The following ITGBL1 variants were observed in gnomAD, a reference collection of about 807,000 sequenced individuals.
The protein encoded by ITGBL1 is integrin beta-like protein 1.
A neutral mutation model predicts 68.5 loss-of-function variants in ITGBL1; 51 were observed. The observed-to-expected ratio is 0.74, with a 90% CI of 0.59 to 0.94. The LOEUF (loss-of-function observed/expected upper bound fraction) is 0.94. Ranked by LOEUF, ITGBL1 falls within the 40% of genes least tolerant of loss-of-function variation. The pLI is 0.00. For missense variants in ITGBL1, 649 were observed against 647.4 expected (o/e 1.00, Z -0.03); for synonymous variants, 209 against 227.3 (o/e 0.92, Z 0.72).
At chr13:101,654,819 C>G (rs2032867069) in intron 7 of ITGBL1, among the ~76,000 whole-genome samples, 1 of 152,010 alleles carries the variant, frequency 6.6e-6, no homozygotes, top group Non-Finnish European at 1.5e-5. Flanking sequence ...ATGGGAAAGG[C>G]TGGGGACAAA....
At chr13:101,592,102 C>A (rs993523703) in intron 6 of ITGBL1, among the ~76,000 whole-genome samples, 1 of 152,114 alleles carries the variant, frequency 6.6e-6, no homozygotes, top group African/African-American at 2.4e-5. Context: ...AGGATTTGAA[C>A]CCATTATTTT....
At chr13:101,604,534 A>G (rs1283130975) in intron 7 of ITGBL1, among the ~76,000 whole-genome samples, 1 of 151,582 alleles carries the variant, frequency 6.6e-6, no homozygotes, top group African/African-American at 2.4e-5. Flanking sequence ...AGATTTTTGA[A>G]AACGAAAACC....
At chr13:101,599,007 T>C (rs1414897523) in intron 7 of ITGBL1, among the ~76,000 whole-genome samples, 8 of 152,272 alleles carry the variant, frequency 5.3e-5, no homozygotes, top group African/African-American at 1.7e-4. Context: ...TGAGGAATTG[T>C]CACACCGACT....
intron 10 of ITGBL1, 64 bp downstream of exon 10, chr13:101,714,615 G>A (rs1307259836): frequency 1.3e-5 from 13 of 970,336 alleles, no homozygotes; most frequent in African/African-American, 4.8e-5. Flanking sequence ...AGAGACACTC[G>A]TCATGCAATG....
rs1475660266 is a variant in ITGBL1 at position 101,714,457 on chromosome 13, G to A, written c.1299G>A (p.Lys433=). ...CSGKGSCHCG[K]CICSAEEWYI... ...TTTCAGGTTCTTGTCATTGTGGGAA[G>A]TGCATTTGTTCTGCTGAAGAGTGGT... The change falls in exon 10 of 11, where the codon AAG becomes AAA. Residue 433 remains lysine, a synonymous_variant. Coordinates refer to ENST00000376180, the MANE Select transcript of ITGBL1 (RefSeq NM_004791.3). The A allele has an allele frequency of 6.2e-7, 1 of 1,607,902 alleles. No homozygotes were observed. The highest frequency in any genetic ancestry group is 8.5e-7 in the Non-Finnish European group (1 of 1,174,422).
intron 2 of ITGBL1, among the ~76,000 whole-genome samples, chr13:101,459,702 C>T (rs1000776220): frequency 2.0e-5 from 3 of 151,940 alleles, no homozygotes; most frequent in Non-Finnish European, 4.4e-5. Context: ...ATCATGCCAC[C>T]GCACTGCAGC....
At chr13:101,602,806 C>G (rs1051443079) in intron 7 of ITGBL1, among the ~76,000 whole-genome samples, 4 of 151,950 alleles carry the variant, frequency 2.6e-5, no homozygotes, top group Non-Finnish European at 2.9e-5. Flanking sequence ...GTATTCCATA[C>G]AAATGGAATC....
intron 5 of ITGBL1, among the ~76,000 whole-genome samples, chr13:101,582,344 A>G (rs1332160437): frequency 1.3e-5 from 2 of 152,138 alleles, no homozygotes; most frequent in East Asian, 1.9e-4. Context: ...AGTTCATATT[A>G]TACAGTTTTA....
downstream of ITGBL1, chr13:101,719,759 A>G (rs2034859796): frequency 6.6e-6 from 1 of 152,090 alleles, no homozygotes; most frequent in African/African-American, 2.4e-5. Flanking sequence ...ACATGGAGGT[A>G]CAAAACACAC....
intron 2 of ITGBL1, among the ~76,000 whole-genome samples, chr13:101,481,185 T>A (rs2048618906): frequency 6.8e-6 from 1 of 147,676 alleles, no homozygotes; most frequent in Admixed American, 6.8e-5. Context: ...TATATACATA[T>A]GAGAGAGAGA....
chr13:101,545,098 G>A (rs890690598), intron 2 of ITGBL1, among the ~76,000 whole-genome samples: 2 of 152,102 alleles, frequency 1.3e-5, no homozygotes, highest in Admixed American at 6.5e-5. Flanking sequence ...AGATGAACCC[G>A]GTACCTCAGT....
chr13:101,555,309 A>G (rs1260870843), intron 2 of ITGBL1, among the ~76,000 whole-genome samples: 1 of 152,016 alleles, frequency 6.6e-6, no homozygotes, highest in Non-Finnish European at 1.5e-5. Flanking sequence ...TGTGCACATA[A>G]AATGTACAAA....
chr13:101,511,782 A>C (rs764216059), intron 2 of ITGBL1, among the ~76,000 whole-genome samples: 1 of 152,258 alleles, frequency 6.6e-6, no homozygotes, highest in Admixed American at 6.5e-5. Flanking sequence ...ATGCACCTTC[A>C]TGTCAGCCTC....
At chr13:101,509,583 A>T (rs1198525032) in intron 2 of ITGBL1, among the ~76,000 whole-genome samples, 1 of 152,130 alleles carries the variant, frequency 6.6e-6, no homozygotes, top group African/African-American at 2.4e-5. Context: ...GATATTCAAT[A>T]TCATTATTAT....
chr13:101,625,385 T>C (rs2031734972), intron 7 of ITGBL1, among the ~76,000 whole-genome samples: 1 of 152,192 alleles, frequency 6.6e-6, no homozygotes, highest in African/African-American at 2.4e-5. Context: ...CAATGAAAAC[T>C]CAGCCGGCCA....
At chr13:101,557,058 G>A (rs2050018756) in intron 2 of ITGBL1, among the ~76,000 whole-genome samples, 1 of 152,190 alleles carries the variant, frequency 6.6e-6, no homozygotes, top group Non-Finnish European at 1.5e-5. Context: ...TCCCTCCTCA[G>A]GGGACAGACA....
At chr13:101,560,871 T>A (rs1050966523) in intron 2 of ITGBL1, among the ~76,000 whole-genome samples, 1 of 152,230 alleles carries the variant, frequency 6.6e-6, no homozygotes, top group African/African-American at 2.4e-5. Flanking sequence ...TTCTTTACCC[T>A]TGATGAACTT....
At chr13:101,619,607 G>A (rs1256535853) in intron 7 of ITGBL1, among the ~76,000 whole-genome samples, 2 of 152,152 alleles carry the variant, frequency 1.3e-5, no homozygotes, top group African/African-American at 4.8e-5. Flanking sequence ...GACAATAAAT[G>A]TGTATTGTTT....
chr13:101,575,742 G>A (rs2050348697), intron 4 of ITGBL1, among the ~76,000 whole-genome samples, 196 bp downstream of exon 4: 1 of 152,116 alleles, frequency 6.6e-6, no homozygotes, highest in Admixed American at 6.6e-5. Flanking sequence ...TAGATGCAAA[G>A]CCAAATTGTC....
Sources: allele counts gnomAD v4.1 joint callset (sites outside exome capture counted in the v4.1 genomes callset), GRCh38; gene constraint gnomAD v4.1.1; transcripts MANE v1.5; gene names NCBI Gene and HGNC (gene_info 2026-07-23, HGNC 2026-07-21).